SMARCC1: variants seen among roughly 807,000 people sequenced by gnomAD.
The protein encoded by SMARCC1 is SWI/SNF related BAF chromatin remodeling complex subunit C1, also known as SWI/SNF complex subunit SMARCC1.
Under a neutral mutation model 147.4 loss-of-function variants are expected in SMARCC1, and 43 were observed. The ratio of observed to expected loss-of-function variants is 0.29; its 90% CI spans 0.23 to 0.38. SMARCC1 has a LOEUF of 0.38. Ranked by LOEUF, SMARCC1 falls within the 10% of genes least tolerant of loss-of-function variation. SMARCC1 has a pLI of 1.00. For synonymous variants in SMARCC1, 495 were observed against 484.4 expected (o/e 1.02, Z -0.29); for missense variants, 1,119 against 1,381.1 (o/e 0.81, Z 3.01).
chr3:47,767,479 A>G (rs1454313491), intron 2 of SMARCC1, among the ~76,000 whole-genome samples: 2 of 138,878 alleles, frequency 1.4e-5, no homozygotes, highest in African/African-American at 2.6e-5. Flanking sequence ...ACCTGAGGTG[A>G]TCCACCCACT....
chr3:47,680,479 G>C lies in SMARCC1; in HGVS notation c.1415C>G (p.Pro472Arg), dbSNP rs1166468658. The C allele has an allele frequency of 1.9e-6, 3 of 1,606,040 alleles. No homozygotes were observed. Among genetic ancestry groups the C allele is most frequent in the African/African-American group, 1.3e-5 (1 of 74,576 alleles). Residue 472 changes from proline (P) to arginine (R), a missense_variant, in exon 15 of 28, where the codon CCT (proline) becomes CGT (arginine). Physicochemically the swap from Pro to Arg is moderately radical, Grantham distance 103. Around this residue, in one of 6 missense-constraint regions of SMARCC1, gnomAD observed 542 missense variants for 611.8 expected, o/e 0.89. Transcript: ENST00000254480. ...CIHVIERRAL[P>R]EFFNGKNKSK... ...TTTGTTTTTTCCATTGAAGAACTCAGGAAGAGCACGCCGTTCAATCACATG... is the reference window on the plus strand; with the variant it reads ...TTTGTTTTTTCCATTGAAGAACTCACGAAGAGCACGCCGTTCAATCACATG...
At chr3:47,632,696 G>C (rs1463728361) in intron 24 of SMARCC1, among the ~76,000 whole-genome samples, 1 of 152,104 alleles carries the variant, frequency 6.6e-6, no homozygotes, top group Non-Finnish European at 1.5e-5. Flanking sequence ...ACCATGCTCT[G>C]TAAGAAAAGA....
chr3:47,771,756 GATATA>G (rs1397358074), intron 2 of SMARCC1, among the ~76,000 whole-genome samples: 6 of 151,140 alleles, frequency 4.0e-5, no homozygotes, highest in Non-Finnish European at 8.8e-5. Flanking sequence ...AAAATAACAT[GATATA>G]ATATAACATA....
chr3:47,727,884 C>G (rs966290077), intron 6 of SMARCC1, among the ~76,000 whole-genome samples: 1 of 151,750 alleles, frequency 6.6e-6, no homozygotes, highest in African/African-American at 2.4e-5. Context: ...AGCCACAGCG[C>G]CAGGCCTTGT....
At chr3:47,645,676 G>A (rs1000098500) in intron 21 of SMARCC1, among the ~76,000 whole-genome samples, 1 of 152,208 alleles carries the variant, frequency 6.6e-6, no homozygotes, top group Non-Finnish European at 1.5e-5. Flanking sequence ...CTCAGAGACT[G>A]AATAAGTATA....
At chr3:47,609,736 G>A (rs1559624815) in intron 26 of SMARCC1, among the ~76,000 whole-genome samples, 1 of 152,168 alleles carries the variant, frequency 6.6e-6, no homozygotes, top group Non-Finnish European at 1.5e-5. Flanking sequence ...ATGGGAGTTT[G>A]CTGTGTTGTG....
At chr3:47,636,372 C>G (rs771787992) in intron 22 of SMARCC1, among the ~76,000 whole-genome samples, 31 of 152,224 alleles carry the variant, frequency 2.0e-4, no homozygotes, top group Non-Finnish European at 3.5e-4. Context: ...AGAGTCGCTG[C>G]CCTCTCTGCA....
At chr3:47,735,547 A>C (rs1428458079) in intron 5 of SMARCC1, among the ~76,000 whole-genome samples, 1 of 152,052 alleles carries the variant, frequency 6.6e-6, no homozygotes, top group East Asian at 1.9e-4. Flanking sequence ...AGGTGGGGAG[A>C]TCACTCGAGG....
chr3:47,658,293 A>G (rs2033289771), intron 21 of SMARCC1, among the ~76,000 whole-genome samples: 1 of 152,268 alleles, frequency 6.6e-6, no homozygotes, highest in African/African-American at 2.4e-5. Flanking sequence ...TGTAATTCAC[A>G]TAATATAAAA....
chr3:47,667,351 T>G (rs1314009610), intron 19 of SMARCC1, among the ~76,000 whole-genome samples: 2 of 150,612 alleles, frequency 1.3e-5, no homozygotes, highest in Non-Finnish European at 2.9e-5. Flanking sequence ...AGAGAAACTC[T>G]TACAGTGATA....
intron 7 of SMARCC1, among the ~76,000 whole-genome samples, chr3:47,717,978 C>A (rs928340520): frequency 2.6e-5 from 4 of 151,468 alleles, no homozygotes; most frequent in African/African-American, 4.9e-5. Context: ...ACATACAGAG[C>A]ACCCCCCCTG....
chr3:47,761,162 C>T (rs1275341770), intron 2 of SMARCC1, among the ~76,000 whole-genome samples: 2 of 151,752 alleles, frequency 1.3e-5, no homozygotes, highest in East Asian at 1.9e-4. Context: ...AAAAGCCAGG[C>T]GTGGTGGAAT....
At chr3:47,770,450 G>A (rs963977973) in intron 2 of SMARCC1, among the ~76,000 whole-genome samples, 2 of 151,536 alleles carry the variant, frequency 1.3e-5, no homozygotes, top group Non-Finnish European at 1.5e-5. Flanking sequence ...GTGAAACCCC[G>A]TCTCTACTAA....
At chr3:47,673,403 G>T (rs1375442316) in intron 18 of SMARCC1, among the ~76,000 whole-genome samples, 3 of 133,788 alleles carry the variant, frequency 2.2e-5, no homozygotes, top group Non-Finnish European at 3.3e-5. Context: ...AAAGGGTGGG[G>T]GGGGGGCAGG....
intron 24 of SMARCC1, among the ~76,000 whole-genome samples, chr3:47,631,529 C>T (rs2032890646): frequency 6.6e-6 from 1 of 152,194 alleles, no homozygotes; most frequent in African/African-American, 2.4e-5. Flanking sequence ...AGCACCCAAA[C>T]AATGGTACTT....
chr3:47,641,621 T>TA (rs1381635862), intron 21 of SMARCC1, among the ~76,000 whole-genome samples: 2 of 152,120 alleles, frequency 1.3e-5, no homozygotes, highest in Non-Finnish European at 2.9e-5. Context: ...TAGTGAGCTA[T>TA]AAAACTACCA....
chr3:47,780,172 T>TG (rs1427266924), intron 1 of SMARCC1, among the ~76,000 whole-genome samples: 9 of 134,240 alleles, frequency 6.7e-5, no homozygotes, highest in Admixed American at 5.2e-4. Context: ...TTTTTTGTTT[T>TG]TTTTTTTTTT....
chr3:47,738,796 G>C (rs1428602350), intron 3 of SMARCC1, among the ~76,000 whole-genome samples: 2 of 152,152 alleles, frequency 1.3e-5, no homozygotes, highest in Non-Finnish European at 2.9e-5. Context: ...GATTTAAACA[G>C]ACAAGTTTTC....
intron 16 of SMARCC1, 74 bp from the exon 17 acceptor site, chr3:47,676,856 T>C (rs1054975021): frequency 4.6e-6 from 6 of 1,306,928 alleles, no homozygotes; most frequent in Non-Finnish European, 6.5e-6. Context: ...CATCATGCCA[T>C]TAAAAAACAG....
Sources: gnomAD v4.1 joint callset for allele counts (sites outside exome capture counted in the v4.1 genomes callset) on GRCh38, gnomAD v4.1.1 for gene constraint, gnomAD v4.1.1 regional missense constraint, MANE v1.5 for transcripts, NCBI Gene and HGNC (gene_info 2026-07-23, HGNC 2026-07-21) for gene names.